ARL6IP6: variants seen among roughly 807,000 people sequenced by gnomAD.
The protein encoded by ARL6IP6 is ADP-ribosylation factor-like protein 6-interacting protein 6.
In ARL6IP6, 22 loss-of-function variants were observed where a neutral mutation model predicts 21.5. The ratio of observed to expected loss-of-function variants is 1.02; its 90% CI spans 0.73 to 1.46. ARL6IP6 has a LOEUF of 1.46. Ranked by LOEUF, ARL6IP6 falls within the 40% of genes most tolerant of loss-of-function variation. The pLI is 0.00. For synonymous variants in ARL6IP6, 164 were observed against 125.3 expected (o/e 1.31, Z -2.06); for missense variants, 388 against 299.8 (o/e 1.29, Z -2.17).
chr2:152,720,570 A>G lies in ARL6IP6; in HGVS notation c.438A>G (p.Val146=). The G allele has an allele frequency of 1.9e-6, 3 of 1,614,092 alleles. No individual in the cohort carries two copies. The highest frequency in any genetic ancestry group is 1.7e-6 in the Non-Finnish European group (2 of 1,179,946). ...AGAATTTGAAAAATGAAGATGATGT[A>G]GACACTGGACTATTAGGTATGGACT... ...HAENLKNEDD[V]DTGLLGFWTL... is the part of the protein sequence containing the mutation. Residue 146 remains valine, a synonymous_variant, in exon 2 of 4, where the codon GTA becomes GTG. Coordinates refer to ENST00000326446, the MANE Select transcript of ARL6IP6 (RefSeq NM_152522.7).
intron 3 of ARL6IP6, among the ~76,000 whole-genome samples, chr2:152,737,841 C>T (rs1700620776): frequency 6.6e-6 from 1 of 151,878 alleles, no homozygotes; most frequent in Non-Finnish European, 1.5e-5. Context: ...GTCATTCTGC[C>T]CCTGACCTCT....
At chr2:152,726,044 C>T (rs1025839820) in intron 2 of ARL6IP6, among the ~76,000 whole-genome samples, 2 of 152,020 alleles carry the variant, frequency 1.3e-5, no homozygotes, top group African/African-American at 2.4e-5. Context: ...AACAGGATTG[C>T]CCATGAATTA....
At chr2:152,738,206 A>G (rs970065101) in intron 3 of ARL6IP6, among the ~76,000 whole-genome samples, 9 of 152,224 alleles carry the variant, frequency 5.9e-5, no homozygotes, top group African/African-American at 2.2e-4. Context: ...GTGGGTTTCC[A>G]TGATGTTGGG....
In ARL6IP6 at chr2:152,718,798, G is replaced by C. The variant is rs919813646; in HGVS notation, c.174G>C (p.Glu58Asp). 2 of 1,607,626 alleles carry C rather than the reference G, an allele frequency of 1.2e-6. No homozygotes were observed. The highest frequency in any genetic ancestry group is 3.4e-5 in the Admixed American group (2 of 58,878). ...CDQVARDLRAEFSAGAWSEPR... is the reference protein window; with the variant it reads ...CDQVARDLRADFSAGAWSEPR... Reference sequence around the variant, plus strand: ...AAGTGGCCCGCGACCTGCGGGCGGAGTTCTCGGCTGGGGCGTGGTCAGAGC... The same window carrying C: ...AAGTGGCCCGCGACCTGCGGGCGGACTTCTCGGCTGGGGCGTGGTCAGAGC... Residue 58 changes from glutamate to aspartate, a missense_variant, in exon 1 of 4, where the codon GAG becomes GAC. Glu to Asp is a conservative substitution (Grantham distance 45, BLOSUM62 2). Coordinates refer to ENST00000326446, the MANE Select transcript of ARL6IP6 (RefSeq NM_152522.7).
In ARL6IP6 at chr2:152,718,978, C is replaced by T. The variant is rs1699500846; in HGVS notation, c.354C>T (p.Ala118=). 3 of 1,591,086 alleles carry T rather than the reference C, an allele frequency of 1.9e-6. No homozygotes were observed. Among genetic ancestry groups the T allele is most frequent in the Admixed American group, 1.8e-5 (1 of 56,756 alleles). Residue 118 remains alanine (A), a synonymous_variant, in exon 1 of 4, where the codon GCC becomes GCT. Transcript: ENST00000326446. ...CTATTCTCTGCTCGCTGCTCTTCGC[C>T]ATTCTTCTCGCCTTCCTCCTCGCCA... The part of the protein sequence containing the change: ...VLSILCSLLF[A]ILLAFLLAIA...
At chr2:152,720,460 C>A in intron 1 of ARL6IP6, 73 bp from the exon 2 acceptor site, 1 of 1,432,208 alleles carries the variant, frequency 7.0e-7, no homozygotes, top group Non-Finnish European at 9.8e-7. Context: ...CTCCACAATG[C>A]CTTCACAGCC....
intron 2 of ARL6IP6, among the ~76,000 whole-genome samples, chr2:152,733,161 T>C (rs919646987): frequency 8.5e-5 from 13 of 152,236 alleles, no homozygotes; most frequent in African/African-American, 2.4e-4. Flanking sequence ...TGGATCTAAC[T>C]TCTTTTCCTT....
intron 3 of ARL6IP6, among the ~76,000 whole-genome samples, chr2:152,756,081 AGAT>A (rs1434588823): frequency 6.6e-6 from 1 of 152,164 alleles, no homozygotes; most frequent in African/African-American, 2.4e-5. Flanking sequence ...GTTTTTAATT[AGAT>A]GATGTCTAAT....
chr2:152,718,438 G>C (rs16831674), upstream of ARL6IP6: 5,301 of 751,420 alleles, frequency 7.1e-3, 207 homozygotes, highest in African/African-American at 0.085. Flanking sequence ...TGGTCGAAGC[G>C]CATTCCGCCT....
chr2:152,730,021 G>C (rs73971961), intron 2 of ARL6IP6, among the ~76,000 whole-genome samples: 2 of 152,036 alleles, frequency 1.3e-5, no homozygotes, highest in African/African-American at 4.8e-5. Context: ...AAATGAATTA[G>C]GTAATTTCCC....
intron 3 of ARL6IP6, among the ~76,000 whole-genome samples, chr2:152,742,966 C>G (rs116162466): frequency 1.3e-5 from 2 of 152,152 alleles, no homozygotes; most frequent in African/African-American, 4.8e-5. Context: ...GCTAACTTAC[C>G]TCCTCTGCAT....
At chr2:152,747,756 AG>A (rs1243326568) in intron 3 of ARL6IP6, among the ~76,000 whole-genome samples, 1 of 152,008 alleles carries the variant, frequency 6.6e-6, no homozygotes, top group Non-Finnish European at 1.5e-5. Flanking sequence ...TTTTTAGTAG[AG>A]ATGGGGTTTC....
intron 3 of ARL6IP6, among the ~76,000 whole-genome samples, chr2:152,742,596 A>ACT (rs1329016083): frequency 6.7e-6 from 1 of 150,080 alleles, no homozygotes; most frequent in Non-Finnish European, 1.5e-5. Context: ...AAAAAAAAGA[A>ACT]CTTTGGGGTT....
chr2:152,741,304 T>A (rs773084401), intron 3 of ARL6IP6, among the ~76,000 whole-genome samples: 1 of 152,134 alleles, frequency 6.6e-6, no homozygotes, highest in Non-Finnish European at 1.5e-5. Flanking sequence ...GATCACAATG[T>A]ATATACTTTT....
intron 3 of ARL6IP6, among the ~76,000 whole-genome samples, chr2:152,753,682 C>G (rs1701441414): frequency 6.7e-6 from 1 of 148,356 alleles, no homozygotes; most frequent in Non-Finnish European, 1.5e-5. Context: ...GTGGAGACCT[C>G]CCTTCATTCA....
chr2:152,719,672 G>C (rs1006397297), intron 1 of ARL6IP6, among the ~76,000 whole-genome samples: 1 of 149,952 alleles, frequency 6.7e-6, no homozygotes. Context: ...TAGTTGGCTA[G>C]TGTATATTAT....
chr2:152,752,480 A>T (rs1403698026), intron 3 of ARL6IP6, among the ~76,000 whole-genome samples: 1 of 152,208 alleles, frequency 6.6e-6, no homozygotes, highest in Non-Finnish European at 1.5e-5. Flanking sequence ...ATTGAACAAA[A>T]CCCTCAAAGT....
chr2:152,718,440 A>G (rs1164515839), upstream of ARL6IP6: 4 of 783,812 alleles, frequency 5.1e-6, no homozygotes, highest in Non-Finnish European at 7.3e-6. Flanking sequence ...GTCGAAGCGC[A>G]TTCCGCCTCT....
chr2:152,720,687 T>C (rs1699747839), intron 2 of ARL6IP6, 101 bp downstream of exon 2: 2 of 1,031,710 alleles, frequency 1.9e-6, no homozygotes, highest in East Asian at 4.8e-5. Context: ...TGTATTTCTA[T>C]GTGCAGTCAT....
Sources: gnomAD v4.1 joint callset for allele counts (sites outside exome capture counted in the v4.1 genomes callset) on GRCh38, gnomAD v4.1.1 for gene constraint, MANE v1.5 for transcripts, NCBI Gene and HGNC (gene_info 2026-07-23, HGNC 2026-07-21) for gene names.